ARHGAP5: variants seen among roughly 807,000 people sequenced by gnomAD.
ARHGAP5 encodes rho GTPase-activating protein 5.
A neutral mutation model predicts 116.6 loss-of-function variants in ARHGAP5; 23 were observed. That is an observed-to-expected ratio of 0.20 (90% CI 0.14 to 0.28). The LOEUF is 0.28. Among genes scored for constraint, ARHGAP5 ranks in the 10% least tolerant of loss-of-function variants. The pLI is 1.00. For missense variants in ARHGAP5, 1,405 were observed against 1,774.8 expected (o/e 0.79, Z 3.74); for synonymous variants, 574 against 602.0 (o/e 0.95, Z 0.68).
chr14:32,114,246 C>G (rs376860460), intron 2 of ARHGAP5, among the ~76,000 whole-genome samples: 2 of 151,638 alleles, frequency 1.3e-5, no homozygotes, highest in African/African-American at 4.9e-5. Flanking sequence ...AAAAAATCTA[C>G]CCAAGTGTAA....
At chr14:32,086,738 TTGAA>T (rs1459456456) in intron 1 of ARHGAP5, among the ~76,000 whole-genome samples, 1 of 151,944 alleles carries the variant, frequency 6.6e-6, no homozygotes, top group African/African-American at 2.4e-5. Context: ...GATGCAGTGT[TTGAA>T]TGGTCTAGTA....
At position 32,093,296 on chromosome 14, in the gene ARHGAP5, C is replaced by G; in HGVS notation, c.2627C>G (p.Thr876Ser). The change falls in exon 2 of 7, where the codon ACC becomes AGC. Residue 876 changes from threonine (T) to serine (S), a missense_variant. Transcript: ENST00000345122. ...GCATTTCTATCAGAAGTTCAAGACA[C>G]CATTCCTGTACAGCTGGTGGCAGTT... Reference protein sequence around the residue: ...LRAFLSEVQDTIPVQLVAVTD... With the variant: ...LRAFLSEVQDSIPVQLVAVTD... The G allele has an allele frequency of 6.2e-7, 1 of 1,613,662 alleles. No individual in the cohort carries two copies. The highest frequency in any genetic ancestry group is 8.5e-7 in the Non-Finnish European group (1 of 1,179,830).
intron 3 of ARHGAP5, among the ~76,000 whole-genome samples, chr14:32,136,518 AT>A (rs1880809786): frequency 6.6e-6 from 1 of 152,132 alleles, no homozygotes; most frequent in Admixed American, 6.5e-5. Context: ...ATTGACAAGT[AT>A]TTGGATTGTT....
intron 1 of ARHGAP5, 112 bp downstream of exon 1, chr14:32,077,547 A>G (rs2041719877): frequency 3.3e-6 from 2 of 597,732 alleles, no homozygotes; most frequent in Non-Finnish European, 6.0e-6. Flanking sequence ...AACCAGTTGA[A>G]GGGGCTGGGG....
rs1880782746 is a variant in ARHGAP5, at chr14:32,136,179, C to A, written c.3866-10084C>A. On this transcript the variant is annotated intron_variant, in intron 3 of 6. Transcript: ENST00000345122. ...GTTAACCATTTTAAAGTATATAATT[C>A]AGAGGCATTTAGTATATTCACAATG... Among the ~76,000 whole-genome samples the A allele has an allele frequency of 1.3e-5, 2 of 152,044 alleles. 1 individual carries two copies. The highest frequency in any genetic ancestry group is 4.1e-4 in the South Asian group (2 of 4,820).
At position 32,153,312 on chromosome 14, in the gene ARHGAP5, C is replaced by T. The variant is rs1408749661; in HGVS notation, c.4181+784C>T. Reference sequence around the variant, plus strand: ...TCCTAGCTACTCAGGAGGCTTGGGGCGGGAGAATTGCTTGAGCCCGGGAGG... The same window carrying T: ...TCCTAGCTACTCAGGAGGCTTGGGGTGGGAGAATTGCTTGAGCCCGGGAGG... On this transcript the variant is annotated intron_variant, in intron 6 of 6. Transcript: ENST00000345122. 3.9e-5 allele frequency among the ~76,000 whole-genome samples: 5 copies of T among 128,366 alleles called. No individual in the cohort carries two copies. The East Asian group carries it at 8.4e-4, about 22-fold the overall frequency. The allele number at this position is 128,366 out of a possible 152,430, so 84.2% of individuals were successfully genotyped here.
At chr14:32,112,414 T>A (rs1879356330) in intron 2 of ARHGAP5, among the ~76,000 whole-genome samples, 1 of 151,954 alleles carries the variant, frequency 6.6e-6, no homozygotes, top group Non-Finnish European at 1.5e-5. Flanking sequence ...CAAATGAGAG[T>A]TTTTAATATG....
rs115885538 is a variant in ARHGAP5, at chr14:32,105,060, T to C, written c.3717+10674T>C. On this transcript the variant is annotated intron_variant, in intron 2 of 6. Transcript: ENST00000345122. The stretch of plus-strand genomic sequence containing the variant: ...ACAGGCCATCTTCCACAACAAAGGA[T>C]TATACAGCCCAAAGTGCCAATAATC... 6.4e-3 allele frequency among the ~76,000 whole-genome samples: 981 copies of C among 152,268 alleles called. 10 individuals carry two copies. The highest frequency in any genetic ancestry group is 0.021 in the African/African-American group (880 of 41,548).
Position 32,090,735 on chromosome 14 carries a change from G to C in ARHGAP5, c.66G>C (p.Gly22=), listed in dbSNP as rs770674061. ...CCATCAGTATAGTTGGACTCTCTGG[G>C]ACTGAAAAAGACAAAGGTAACTGTG... ...SYTISIVGLS[G]TEKDKGNCGV... Residue 22 remains glycine, a synonymous_variant, in exon 2 of 7, where the codon GGG becomes GGC. Transcript: ENST00000345122. 2 of 1,613,494 alleles carry C rather than the reference G, an allele frequency of 1.2e-6. No homozygotes were observed. The highest frequency in any genetic ancestry group is 2.2e-5 in the South Asian group (2 of 91,056).
In ARHGAP5 at chr14:32,126,221, G is replaced by A. The variant is rs548676390; in HGVS notation, c.3865+8934G>A. ...ATCATGGAGTATGATATCAGCTGTGGGTTTTTTTTGTTTGTTTGTTTTTTT... is the reference window on the plus strand; with the variant it reads ...ATCATGGAGTATGATATCAGCTGTGAGTTTTTTTTGTTTGTTTGTTTTTTT... On this transcript the variant is annotated intron_variant, in intron 3 of 6. Transcript: ENST00000345122. Among the ~76,000 whole-genome samples, 28 of 141,884 alleles carry A rather than the reference G, an allele frequency of 2.0e-4. No individual in the cohort carries two copies. The South Asian group carries it at 6.0e-3, about 31-fold the overall frequency. 93.1% of individuals were successfully genotyped at this position (141,884 alleles called of 152,430 possible). A position where few individuals can be genotyped will look rare whatever the true frequency, so the allele number is the denominator to read the frequency against.
intron 1 of ARHGAP5, among the ~76,000 whole-genome samples, chr14:32,079,012 G>A (rs559909442): frequency 1.3e-5 from 2 of 151,718 alleles, no homozygotes; most frequent in Non-Finnish European, 2.9e-5. Flanking sequence ...TATACTAATT[G>A]ACCTCCATTA....
chr14:32,155,750 C>T lies in ARHGAP5; in HGVS notation c.*802C>T, dbSNP rs1194532581. 6.6e-6 allele frequency: 1 copy of T among 152,538 alleles called. No homozygotes were observed. The highest frequency in any genetic ancestry group is 1.5e-5 in the Non-Finnish European group (1 of 68,000). 9.4% of individuals were successfully genotyped at this position (152,538 alleles called of 1,614,324 possible). ...TCTATGATGGTCTTGTAATCTTAATCTAATATATTTTAGATATTTTAATTT... is the reference window on the plus strand; with the variant it reads ...TCTATGATGGTCTTGTAATCTTAATTTAATATATTTTAGATATTTTAATTT... On this transcript the variant is annotated 3_prime_UTR_variant, in exon 7 of 7. Coordinates refer to ENST00000345122, the MANE Select transcript of ARHGAP5 (RefSeq NM_001030055.2).
At chr14:32,084,591 T>G (rs17386763) in intron 1 of ARHGAP5, among the ~76,000 whole-genome samples, 3,655 of 152,314 alleles carry the variant, frequency 0.024, 75 homozygotes, top group Middle Eastern at 0.071. Context: ...TGCTGGAGAT[T>G]TGATTCCAAA....
intron 2 of ARHGAP5, among the ~76,000 whole-genome samples, chr14:32,103,858 G>C (rs533887882): frequency 1.3e-5 from 2 of 152,244 alleles, no homozygotes; most frequent in South Asian, 4.1e-4. Flanking sequence ...TTTAAAAATA[G>C]TAGTAATTTT....
At chr14:32,123,490 C>T (rs1879992668) in intron 3 of ARHGAP5, among the ~76,000 whole-genome samples, 1 of 151,876 alleles carries the variant, frequency 6.6e-6, no homozygotes, top group Non-Finnish European at 1.5e-5. Context: ...TTTATAATAG[C>T]CATTTTAAGA....
Position 32,090,780 on chromosome 14 carries a change from G to C in ARHGAP5, c.111G>C (p.Leu37Phe), listed in dbSNP as rs774194759. Reference sequence around the variant, plus strand: ...ACTGTGGAGTTGGAAAGTCTTGTTTGTGCAATAGATTTGTACGCTCAAAAG... The same window carrying C: ...ACTGTGGAGTTGGAAAGTCTTGTTTCTGCAATAGATTTGTACGCTCAAAAG... ...KGNCGVGKSC[L>F]CNRFVRSKAD... is the part of the protein sequence containing the mutation. The change falls in exon 2 of 7, where the codon TTG (leucine) becomes TTC (phenylalanine). Residue 37 changes from leucine to phenylalanine, a missense_variant. By Grantham distance (22) the Leu-to-Phe change is conservative. Coordinates refer to ENST00000345122, the MANE Select transcript of ARHGAP5 (RefSeq NM_001030055.2). 6.2e-7 allele frequency: 1 copy of C among 1,613,624 alleles called. No homozygotes were observed. Among genetic ancestry groups the C allele is most frequent in the Non-Finnish European group, 8.5e-7 (1 of 1,179,612 alleles).
intron 2 of ARHGAP5, among the ~76,000 whole-genome samples, chr14:32,111,265 A>G (rs1294485936): frequency 3.3e-5 from 5 of 152,236 alleles, no homozygotes; most frequent in East Asian, 1.9e-4. Flanking sequence ...GCTGTCTCAA[A>G]TAACAGCAGC....
Position 32,150,086 on chromosome 14 carries a change from A to G in ARHGAP5, c.4075+53A>G, listed in dbSNP as rs1881574866. 6 of 1,423,942 alleles carry G rather than the reference A, an allele frequency of 4.2e-6. No homozygotes were observed. The South Asian group carries it at 6.0e-5, about 14-fold the overall frequency. The allele number at this position is 1,423,942 out of a possible 1,614,324, so 88.2% of individuals were successfully genotyped here. A position where few individuals can be genotyped will look rare whatever the true frequency, so the allele number is the denominator to read the frequency against. On this transcript the variant is annotated intron_variant, in intron 5 of 6. Coordinates refer to ENST00000345122, the MANE Select transcript of ARHGAP5 (RefSeq NM_001030055.2). ...GGGATGATAATGGCAGTTTTTGGAT[A>G]TTGATTGCTAAGTGTTAAAATCATC...
At chr14:32,085,926 C>A (rs1219212915) in intron 1 of ARHGAP5, among the ~76,000 whole-genome samples, 2 of 152,092 alleles carry the variant, frequency 1.3e-5, no homozygotes, top group African/African-American at 4.8e-5. Context: ...CTTTCATTCT[C>A]ATGGTTTCAT....
Sources: allele counts gnomAD v4.1 joint callset (sites outside exome capture counted in the v4.1 genomes callset), GRCh38; gene constraint gnomAD v4.1.1; transcripts MANE v1.5; gene names NCBI Gene and HGNC (gene_info 2026-07-23, HGNC 2026-07-21).